ACACA: variants seen among roughly 807,000 people sequenced by gnomAD.
ACACA encodes the protein acetyl-CoA carboxylase 1.
In ACACA, 103 loss-of-function variants were observed where a neutral mutation model predicts 296.1. That is an observed-to-expected ratio of 0.35 (90% CI 0.30 to 0.41). The LOEUF is 0.41. Ranked by LOEUF, ACACA falls within the 10% of genes least tolerant of loss-of-function variation. ACACA has a pLI of 1.00. For missense variants in ACACA, 1,554 were observed against 2,989.7 expected (o/e 0.52, Z 11.20); for synonymous variants, 953 against 1,038.6 (o/e 0.92, Z 1.58).
intron 30 of ACACA, 32 bp from the exon 31 acceptor site, chr17:37,207,832 A>C: frequency 3.1e-6 from 5 of 1,611,816 alleles, no homozygotes; most frequent in Non-Finnish European, 4.2e-6. Flanking sequence ...TTCATTAGAC[A>C]AGGAGGGTAG....
At chr17:37,283,663 G>A (rs2082644867) in intron 4 of ACACA, among the ~76,000 whole-genome samples, 1 of 152,150 alleles carries the variant, frequency 6.6e-6, no homozygotes, top group Non-Finnish European at 1.5e-5. Context: ...TATTTGAAGG[G>A]AAAAGTCACA....
chr17:37,252,946 G>C lies in ACACA; in HGVS notation c.1917C>G (p.Ser639Arg). ...CAGTATCAATTCTGTTCATCTGAAAGCTTTCAGTCTCTAACAATTTGATCA... is the reference window on the plus strand; with the variant it reads ...CAGTATCAATTCTGTTCATCTGAAACCTTTCAGTCTCTAACAATTTGATCA... ...EYLIKLLETE[S>R]FQMNRIDTGW... Residue 639 changes from serine to arginine, a missense_variant, in exon 15 of 56, where the codon AGC (serine) becomes AGG (arginine). This residue lies in a region of ACACA where 35 missense variants were observed against 139.4 expected (regional missense o/e 0.25). Transcript: ENST00000616317. The C allele has an allele frequency of 6.2e-7, 1 of 1,614,202 alleles. No individual in the cohort carries two copies. Among genetic ancestry groups the C allele is most frequent in the Non-Finnish European group, 8.5e-7 (1 of 1,180,030 alleles).
At chr17:37,260,271 TATATATATATATATATA>T (rs2081405908) in intron 11 of ACACA, among the ~76,000 whole-genome samples, 1 of 25,310 alleles carries the variant, frequency 4.0e-5, no homozygotes, top group East Asian at 2.2e-3. Context: ...TATATATATA[TATATATATATATATATA>T]TATATATATT....
At position 37,258,329 on chromosome 17, in the gene ACACA, C is replaced by T. The variant is rs547613029; in HGVS notation, c.1545G>A (p.Met515Ile). 19 of 1,614,062 alleles carry T rather than the reference C, an allele frequency of 1.2e-5. No homozygotes were observed. The highest frequency in any genetic ancestry group is 8.3e-5 in the Admixed American group (5 of 60,014). The change falls in exon 13 of 56, where the codon ATG (methionine) becomes ATA (isoleucine). Residue 515 changes from methionine to isoleucine, a missense_variant. By Grantham distance (10) the Met-to-Ile change is conservative. This residue lies in a region of ACACA where 37 missense variants were observed against 49.9 expected (regional missense o/e 0.74). Coordinates refer to ENST00000616317, the MANE Select transcript of ACACA (RefSeq NM_198834.3). ...CACCCCAGGGAGATACCCCATACAT[C>T]ATACGGATATCCTTGATTCTATATA... ...IPLYRIKDIR[M>I]MYGVSPWGDS...
chr17:37,112,604 T>A (rs2074037316), intron 51 of ACACA, among the ~76,000 whole-genome samples: 1 of 152,132 alleles, frequency 6.6e-6, no homozygotes, highest in South Asian at 2.1e-4. Context: ...AGAATGTAAA[T>A]AATAAGCCTC....
At chr17:37,303,589 GGCTCACGCCTA>G (rs1472155204) in intron 3 of ACACA, among the ~76,000 whole-genome samples, 1 of 152,238 alleles carries the variant, frequency 6.6e-6, no homozygotes, top group Admixed American at 6.5e-5. Flanking sequence ...CGGGCACAGT[GGCTCACGCCTA>G]TAATCCTAGC....
intron 23 of ACACA, 63 bp from the exon 24 acceptor site, chr17:37,240,627 C>CA (rs2080349214): frequency 7.2e-6 from 10 of 1,395,882 alleles, no homozygotes; most frequent in Non-Finnish European, 1.0e-5. Context: ...GCAATAAACC[C>CA]AAAGGCCAAA....
chr17:37,213,172 T>C (rs1449632121), intron 29 of ACACA, among the ~76,000 whole-genome samples: 3 of 148,334 alleles, frequency 2.0e-5, no homozygotes, highest in African/African-American at 7.5e-5. Flanking sequence ...CACACACACA[T>C]ACACACACAC....
At chr17:37,237,822 G>A (rs2080186985) in intron 24 of ACACA, among the ~76,000 whole-genome samples, 3 of 152,148 alleles carry the variant, frequency 2.0e-5, no homozygotes, top group Admixed American at 1.3e-4. Flanking sequence ...GTGCAGTGAT[G>A]CAATCACAGC....
At position 37,278,764 on chromosome 17, in the gene ACACA, G is replaced by C. The variant is rs114604118; in HGVS notation, c.611-759C>G. On this transcript the variant is annotated intron_variant, in intron 5 of 55. Coordinates refer to ENST00000616317, the MANE Select transcript of ACACA (RefSeq NM_198834.3). ...GAAAATGATGGCTTGGAGGAGTTAA[G>C]TAACTTCCTCAAAGTTCATTTCCAC... Among the ~76,000 whole-genome samples the C allele has an allele frequency of 6.7e-3, 1,016 of 152,212 alleles. 8 individuals are homozygous for C. Among genetic ancestry groups the C allele is most frequent in the African/African-American group, 0.023 (954 of 41,506 alleles).
intron 41 of ACACA, among the ~76,000 whole-genome samples, chr17:37,168,819 C>T (rs1431153226): frequency 6.6e-6 from 1 of 152,102 alleles, no homozygotes; most frequent in African/African-American, 2.4e-5. Flanking sequence ...AATGTCTCTA[C>T]CTCAGAAGTA....
At chr17:37,209,858 C>T (rs1008636674) in intron 30 of ACACA, among the ~76,000 whole-genome samples, 1 of 152,136 alleles carries the variant, frequency 6.6e-6, no homozygotes, top group African/African-American at 2.4e-5. Context: ...TAAAATATCA[C>T]TTATGTTATA....
chr17:37,296,299 GC>G (rs1256445052), intron 3 of ACACA, among the ~76,000 whole-genome samples: 6 of 137,862 alleles, frequency 4.4e-5, no homozygotes, highest in African/African-American at 1.7e-4. Flanking sequence ...GATCTTTGGA[GC>G]CTTTTTTTTT....
chr17:37,162,265 G>A (rs1330812639), intron 41 of ACACA, among the ~76,000 whole-genome samples: 1 of 152,166 alleles, frequency 6.6e-6, no homozygotes, highest in Non-Finnish European at 1.5e-5. Flanking sequence ...TTTCAAAACT[G>A]TCTCAATTCC....
At chr17:37,344,486 A>C (rs2048526708) in intron 1 of ACACA, among the ~76,000 whole-genome samples, 1 of 152,136 alleles carries the variant, frequency 6.6e-6, no homozygotes, top group African/African-American at 2.4e-5. Context: ...TGAACCCAGG[A>C]GGCAGAGGCT....
At chr17:37,178,245 A>G (rs1240537107) in intron 41 of ACACA, among the ~76,000 whole-genome samples, 1 of 152,216 alleles carries the variant, frequency 6.6e-6, no homozygotes, top group Non-Finnish European at 1.5e-5. Flanking sequence ...AGGACTTTAT[A>G]TCACTATTCA....
At chr17:37,405,041 T>C (rs1053979875) in intron 1 of ACACA, among the ~76,000 whole-genome samples, 1 of 152,184 alleles carries the variant, frequency 6.6e-6, no homozygotes, top group African/African-American at 2.4e-5. Flanking sequence ...GGTCTTGCCC[T>C]TTCTCCATGC....
At chr17:37,140,605 A>G (rs187955289) in intron 45 of ACACA, 1 of 160,632 alleles carries the variant, frequency 6.2e-6, no homozygotes, top group Admixed American at 6.4e-5. Context: ...TTATGTAAAA[A>G]CTCTGTGTTG....
intron 7 of ACACA, 57 bp downstream of exon 7, chr17:37,276,976 G>A: frequency 6.7e-7 from 1 of 1,493,920 alleles, no homozygotes; most frequent in Non-Finnish European, 9.3e-7. Flanking sequence ...AGAGTAAAAT[G>A]TGGGCAAAAT....
Sources: allele counts gnomAD v4.1 joint callset (sites outside exome capture counted in the v4.1 genomes callset), GRCh38; gene constraint gnomAD v4.1.1; regional missense constraint gnomAD v4.1.1; transcripts MANE v1.5; gene names NCBI Gene and HGNC (gene_info 2026-07-23, HGNC 2026-07-21).